Variants in KIF4A observed in about 807,000 individuals in gnomAD.
KIF4A encodes the protein kinesin family member 4A.
A neutral mutation model predicts 105.9 loss-of-function variants in KIF4A; 7 were observed. That is an observed-to-expected ratio of 0.07 (90% CI 0.04 to 0.12). The LOEUF is 0.12. Among genes scored for constraint, KIF4A ranks in the 10% least tolerant of loss-of-function variants. The pLI, the probability that KIF4A is intolerant of heterozygous loss-of-function variation, is 1.00. For missense variants in KIF4A, 558 were observed against 929.2 expected (o/e 0.60, Z 5.19); for synonymous variants, 281 against 331.3 (o/e 0.85, Z 1.65).
At chrX:70,403,271 A>C (rs969723959) in intron 23 of KIF4A, among the ~76,000 whole-genome samples, 4 of 112,236 alleles carry the variant, frequency 3.6e-5, no homozygotes, top group African/African-American at 1.3e-4. Flanking sequence ...CCCTTTATAC[A>C]TTTTTGTGTT....
In KIF4A at chrX:70,302,074, AC is replaced by A. The variant is rs751867510; in HGVS notation, c.683+9del. The A allele has an allele frequency of 4.1e-6, 5 of 1,209,135 alleles. No homozygotes were observed. In the South Asian group the frequency reaches 5.3e-5, roughly 13 times the overall value. ...AAGAAAGAAAAGTGACAAGTAAGTT[AC>A]AATTTAAAGAGTCAAGATTTTTAGT... On this transcript the variant is annotated intron_variant, in intron 6 of 30. Coordinates refer to ENST00000374403, the MANE Select transcript of KIF4A (RefSeq NM_012310.5).
intron 15 of KIF4A, among the ~76,000 whole-genome samples, chrX:70,368,537 A>T (rs777731801): frequency 8.9e-6 from 1 of 112,140 alleles, no homozygotes; most frequent in African/African-American, 3.2e-5. Flanking sequence ...TTGCCTGGGT[A>T]TCAGCAGCGG....
At chrX:70,419,881 G>T in intron 30 of KIF4A, 98 bp downstream of exon 30, 2 of 1,116,513 alleles carry the variant, frequency 1.8e-6, no homozygotes, top group Non-Finnish European at 2.4e-6. Flanking sequence ...TGGAGTAAAG[G>T]TGTAATCAGC....
intron 4 of KIF4A, among the ~76,000 whole-genome samples, chrX:70,297,856 A>C (rs2085789242): frequency 8.9e-6 from 1 of 112,031 alleles, no homozygotes; most frequent in Non-Finnish European, 1.9e-5. Flanking sequence ...CTTATCCTTT[A>C]GGGGGTAATA....
chrX:70,368,168 GTTT>G lies in KIF4A; in HGVS notation c.1675-5980_1675-5978del, dbSNP rs771794611. Among the ~76,000 whole-genome samples the G allele has an allele frequency of 7.2e-5, 8 of 111,645 alleles. No homozygotes were observed. In the South Asian group the frequency reaches 3.0e-3, roughly 42 times the overall value. ...GCCATTTGTCTAATCTTTTTTCAAGGTTTTTAACTTCTTTGTCATGGGTTCGAA... is the reference window on the plus strand; with the variant it reads ...GCCATTTGTCTAATCTTTTTTCAAGGTTAACTTCTTTGTCATGGGTTCGAA... On this transcript the variant is annotated intron_variant, in intron 15 of 30. Transcript: ENST00000374403.
At chrX:70,377,931 C>T (rs757772108) in intron 18 of KIF4A, among the ~76,000 whole-genome samples, 1 of 112,008 alleles carries the variant, frequency 8.9e-6, no homozygotes, top group Non-Finnish European at 1.9e-5. Context: ...AAGACTCCGT[C>T]TCAAAGAAAA....
At chrX:70,326,156 G>T (rs1286240937) in intron 7 of KIF4A, among the ~76,000 whole-genome samples, 1 of 111,904 alleles carries the variant, frequency 8.9e-6, no homozygotes, top group African/African-American at 3.3e-5. Context: ...AATTTACTCA[G>T]CCATTCTACC....
chrX:70,381,365 G>A (rs974769001), intron 18 of KIF4A, among the ~76,000 whole-genome samples: 11 of 110,808 alleles, frequency 9.9e-5, no homozygotes, highest in African/African-American at 3.3e-4. Flanking sequence ...GTGAAACTCC[G>A]TCTCTACTAA....
At chrX:70,302,165 C>A in intron 6 of KIF4A, 99 bp downstream of exon 6, 1 of 1,090,740 alleles carries the variant, frequency 9.2e-7, no homozygotes, top group Non-Finnish European at 1.2e-6. Flanking sequence ...CATCAGACAT[C>A]AGTATTGTGA....
chrX:70,336,493 GT>G (rs1456136068), intron 10 of KIF4A, among the ~76,000 whole-genome samples: 1 of 111,707 alleles, frequency 9.0e-6, no homozygotes, highest in African/African-American at 3.3e-5. Context: ...GAGAAAGCCT[GT>G]TTCCCCACAG....
intron 23 of KIF4A, among the ~76,000 whole-genome samples, chrX:70,403,631 C>T (rs2086289847): frequency 8.9e-6 from 1 of 112,573 alleles, no homozygotes; most frequent in African/African-American, 3.2e-5. Flanking sequence ...TGGCTTCTAG[C>T]CCCAAGATAC....
chrX:70,383,238 GTTTTA>G (rs2086205006), intron 18 of KIF4A, among the ~76,000 whole-genome samples: 1 of 109,300 alleles, frequency 9.1e-6, no homozygotes, highest in Admixed American at 9.8e-5. Flanking sequence ...ATATAACCCA[GTTTTA>G]AAATGGGCAA....
chrX:70,296,910 A>G, intron 3 of KIF4A, 88 bp from the exon 4 acceptor site: 2 of 981,126 alleles, frequency 2.0e-6, no homozygotes, highest in South Asian at 4.4e-5. Flanking sequence ...TCTCAGTTTT[A>G]TTACAAATAA....
chrX:70,398,751 G>C (rs781624817), intron 22 of KIF4A, among the ~76,000 whole-genome samples: 2 of 112,142 alleles, frequency 1.8e-5, no homozygotes, highest in Non-Finnish European at 3.8e-5. Flanking sequence ...CTGTAAGCTT[G>C]TTGAAGGAAA....
At chrX:70,387,424 T>G in intron 20 of KIF4A, 127 bp downstream of exon 20, 1 of 487,873 alleles carries the variant, frequency 2.0e-6, no homozygotes, top group Non-Finnish European at 3.5e-6. Flanking sequence ...CTTGAAAGCC[T>G]TATTTCCTAA....
At chrX:70,385,657 C>G (rs756238422) in intron 18 of KIF4A, among the ~76,000 whole-genome samples, 46 of 111,337 alleles carry the variant, frequency 4.1e-4, no homozygotes, top group African/African-American at 1.5e-3. Flanking sequence ...AAAGACATGA[C>G]AAAAATGGCT....
intron 28 of KIF4A, among the ~76,000 whole-genome samples, chrX:70,416,059 G>T (rs1053434455): frequency 9.2e-6 from 1 of 108,809 alleles, no homozygotes; most frequent in Non-Finnish European, 1.9e-5. Flanking sequence ...TGGAGACGGG[G>T]TTTCACCATG....
At chrX:70,328,999 C>G (rs1281464335) in intron 7 of KIF4A, among the ~76,000 whole-genome samples, 1 of 111,343 alleles carries the variant, frequency 9.0e-6, no homozygotes, top group African/African-American at 3.3e-5. Context: ...GAGCTTCTTT[C>G]TTTATCTGTA....
At chrX:70,299,806 A>G (rs755014288) in intron 5 of KIF4A, among the ~76,000 whole-genome samples, 1 of 112,359 alleles carries the variant, frequency 8.9e-6, no homozygotes, top group East Asian at 2.8e-4. Context: ...AAGTTAAACT[A>G]TATATAATTT....
Sources: allele counts gnomAD v4.1 joint callset (sites outside exome capture counted in the v4.1 genomes callset), GRCh38; gene constraint gnomAD v4.1.1; transcripts MANE v1.5; gene names NCBI Gene and HGNC (gene_info 2026-07-23, HGNC 2026-07-21).